The following LRFN5 variants were observed in gnomAD, a reference collection of about 807,000 sequenced individuals.
The protein encoded by LRFN5 is leucine-rich repeat and fibronectin type-III domain-containing protein 5.
In LRFN5, 24 loss-of-function variants were observed where a neutral mutation model predicts 45.6. The ratio of observed to expected loss-of-function variants is 0.53; its 90% CI spans 0.38 to 0.74. The LOEUF is 0.74. Ranked by LOEUF, LRFN5 falls within the 30% of genes least tolerant of loss-of-function variation. LRFN5 has a pLI of 0.00. For missense variants in LRFN5, 776 were observed against 861.5 expected (o/e 0.90, Z 1.24); for synonymous variants, 340 against 313.8 (o/e 1.08, Z -0.88).
At chr14:41,834,201 A>G (rs566182741) in intron 2 of LRFN5, among the ~76,000 whole-genome samples, 1 of 152,194 alleles carries the variant, frequency 6.6e-6, no homozygotes, top group South Asian at 2.1e-4. Flanking sequence ...GAACCTCAGT[A>G]TTTTTAGATC....
intron 2 of LRFN5, among the ~76,000 whole-genome samples, chr14:41,804,663 G>C (rs1443343814): frequency 1.3e-5 from 2 of 152,104 alleles, no homozygotes; most frequent in African/African-American, 2.4e-5. Flanking sequence ...CCAAGCCCTG[G>C]AAAGACTAAG....
rs532120223 is a variant in LRFN5, at chr14:41,742,714, C to T, written c.-196-24140C>T. The T allele has an allele frequency of 3.4e-4, 43 of 124,916 alleles. No individual in the cohort carries two copies. In the South Asian group the frequency reaches 5.1e-3, roughly 15 times the overall value. 7.7% of individuals were successfully genotyped at this position (124,916 alleles called of 1,614,324 possible). A position where few individuals can be genotyped will look rare whatever the true frequency, so the allele number is the denominator to read the frequency against. On this transcript the variant is annotated intron_variant, in intron 1 of 5. Coordinates refer to ENST00000298119, the MANE Select transcript of LRFN5 (RefSeq NM_152447.5). ...AGCCAGAAGAGCCAGGTGTGTGTAG[C>T]GCACTACATAGGGGTGTTCCAAAAT... is the stretch of plus-strand genomic sequence containing the variant.
At chr14:41,732,748 TAACC>T (rs1189283462) in intron 1 of LRFN5, among the ~76,000 whole-genome samples, 1 of 150,888 alleles carries the variant, frequency 6.6e-6, no homozygotes, top group Non-Finnish European at 1.5e-5. Flanking sequence ...GAAAAAAAAT[TAACC>T]AACAGAATTT....
In LRFN5 at chr14:41,889,692, CTG is replaced by C. The variant is rs369074946; in HGVS notation, c.1386-1556_1386-1555del. Among the ~76,000 whole-genome samples the C allele has an allele frequency of 1.4e-4, 22 of 152,120 alleles. No individual in the cohort carries two copies. In the East Asian group the frequency reaches 3.3e-3, roughly 23 times the overall value. On this transcript the variant is annotated intron_variant, in intron 3 of 5. Coordinates refer to ENST00000298119, the MANE Select transcript of LRFN5 (RefSeq NM_152447.5). ...GTCATTTGTAAAATAGTGATAATGC[CTG>C]TCTCATAAGGTCATTGTAAAGATTA... is the stretch of plus-strand genomic sequence containing the variant.
chr14:41,709,187 A>T (rs1900598), intron 1 of LRFN5, among the ~76,000 whole-genome samples: 24,576 of 151,748 alleles, frequency 0.16, 2,315 homozygotes, highest in East Asian at 0.41. Flanking sequence ...CATCAAACAT[A>T]ATATATATTT....
At chr14:41,681,816 ATTTATTTATTTT>A (rs1566618894) in intron 1 of LRFN5, among the ~76,000 whole-genome samples, 1 of 93,918 alleles carries the variant, frequency 1.1e-5, no homozygotes, top group East Asian at 4.9e-3. Flanking sequence ...TTATTTATTT[ATTTATTTATTTT>A]TTTTTTTTGT....
chr14:41,654,809 T>TC (rs1880299496), intron 1 of LRFN5, among the ~76,000 whole-genome samples: 2 of 152,044 alleles, frequency 1.3e-5, no homozygotes, highest in African/African-American at 4.8e-5. Flanking sequence ...GGTTGGACCT[T>TC]CCCACAGTAC....
chr14:41,874,826 T>G (rs1890133799), intron 2 of LRFN5, among the ~76,000 whole-genome samples: 1 of 152,202 alleles, frequency 6.6e-6, no homozygotes. Flanking sequence ...TCAGGGAACT[T>G]ACAATCATTG....
At position 41,891,809 on chromosome 14, in the gene LRFN5, A is replaced by C; in HGVS notation, c.1945A>C (p.Thr649Pro). The C allele has an allele frequency of 6.2e-7, 1 of 1,614,174 alleles. No individual in the cohort carries two copies. The highest frequency in any genetic ancestry group is 8.5e-7 in the Non-Finnish European group (1 of 1,180,028). Reference protein sequence around the residue: ...VSQKQKRKTGTKPSTEPQNEA... With the variant: ...VSQKQKRKTGPKPSTEPQNEA... ...CCAAAAGCAGAAAAGAAAGACTGGC[A>C]CAAAGCCAAGTACAGAACCACAGAA... Residue 649 changes from threonine to proline, a missense_variant, in exon 4 of 6, where the codon ACA becomes CCA. Physicochemically the swap from Thr to Pro is conservative, Grantham distance 38 (BLOSUM62 -1). Transcript: ENST00000298119.
intron 2 of LRFN5, among the ~76,000 whole-genome samples, chr14:41,843,138 T>C (rs186677390): frequency 3.2e-4 from 47 of 148,666 alleles, no homozygotes; most frequent in Admixed American, 1.8e-3. Context: ...CAGGATGGAG[T>C]GTAGTGATAA....
intron 1 of LRFN5, among the ~76,000 whole-genome samples, chr14:41,630,959 A>G (rs963657801): frequency 6.6e-6 from 1 of 152,112 alleles, no homozygotes; most frequent in Non-Finnish European, 1.5e-5. Flanking sequence ...ATTAGGTTGG[A>G]ATGGCTTATG....
Position 41,748,502 on chromosome 14 carries a change from G to A in LRFN5, c.-196-18352G>A, listed in dbSNP as rs77231830. ...TGACAGTGGAATGGTGATTGCAAGG[G>A]GCTTCAGGTAGGGGATAATGGAGAG... On this transcript the variant is annotated intron_variant, in intron 1 of 5. Coordinates refer to ENST00000298119, the MANE Select transcript of LRFN5 (RefSeq NM_152447.5). Among the ~76,000 whole-genome samples, 1,451 of 152,116 alleles carry A rather than the reference G, an allele frequency of 9.5e-3. 8 individuals carry two copies. Among genetic ancestry groups the A allele is most frequent in the East Asian group, 0.014 (72 of 5,166 alleles).
chr14:41,778,223 A>T (rs925544332), intron 2 of LRFN5, among the ~76,000 whole-genome samples: 10 of 151,764 alleles, frequency 6.6e-5, no homozygotes, highest in African/African-American at 2.4e-4. Flanking sequence ...TAGGATTTTT[A>T]AAATAAATGA....
Position 41,781,451 on chromosome 14 carries a change from T to C in LRFN5, c.-21+14422T>C, listed in dbSNP as rs1594702718. Among the ~76,000 whole-genome samples, 3 of 147,928 alleles carry C rather than the reference T, an allele frequency of 2.0e-5. No individual in the cohort carries two copies. The Middle Eastern group carries it at 0.01, about 507-fold the overall frequency. ...AGGTTGAGACTGCATTGAGTCGTGATCATGGCACTGTAGTGAGACCCTGTC... is the reference window on the plus strand; with the variant it reads ...AGGTTGAGACTGCATTGAGTCGTGACCATGGCACTGTAGTGAGACCCTGTC... On this transcript the variant is annotated intron_variant, in intron 2 of 5. Coordinates refer to ENST00000298119, the MANE Select transcript of LRFN5 (RefSeq NM_152447.5).
At chr14:41,649,457 GGTATAA>G (rs1274433832) in intron 1 of LRFN5, among the ~76,000 whole-genome samples, 2 of 151,960 alleles carry the variant, frequency 1.3e-5, no homozygotes, top group Non-Finnish European at 1.5e-5. Flanking sequence ...ATAATAAAAT[GGTATAA>G]GTATAATACA....
chr14:41,813,685 T>A (rs1219097643), intron 2 of LRFN5, among the ~76,000 whole-genome samples: 4 of 152,182 alleles, frequency 2.6e-5, no homozygotes, highest in African/African-American at 9.7e-5. Flanking sequence ...TAGAATGATT[T>A]ATAAAACCTT....
At chr14:41,786,633 C>T (rs116399374) in intron 2 of LRFN5, among the ~76,000 whole-genome samples, 75 of 150,342 alleles carry the variant, frequency 5.0e-4, no homozygotes, top group African/African-American at 1.8e-3. Context: ...CATCTTGCAT[C>T]AGTGAGGTTG....
intron 1 of LRFN5, among the ~76,000 whole-genome samples, chr14:41,618,363 T>C (rs1251355348): frequency 2.0e-5 from 3 of 152,186 alleles, no homozygotes; most frequent in African/African-American, 7.2e-5. Context: ...GCAGAGGTGA[T>C]ATGGTATAAT....
intron 2 of LRFN5, among the ~76,000 whole-genome samples, chr14:41,796,128 G>A (rs1205330899): frequency 2.6e-5 from 4 of 151,758 alleles, no homozygotes; most frequent in African/African-American, 9.7e-5. Flanking sequence ...AACACAAAAT[G>A]TTCTTTATAT....
Sources: gnomAD v4.1 joint callset for allele counts (sites outside exome capture counted in the v4.1 genomes callset) on GRCh38, gnomAD v4.1.1 for gene constraint, MANE v1.5 for transcripts, NCBI Gene and HGNC (gene_info 2026-07-23, HGNC 2026-07-21) for gene names.